Variants in CARMIL2 observed in about 807,000 individuals in gnomAD.
CARMIL2 encodes capping protein regulator and myosin 1 linker 2, also known as capping protein, Arp2/3 and myosin-I linker protein 2.
Under a neutral mutation model 173.3 loss-of-function variants are expected in CARMIL2, and 96 were observed. The ratio of observed to expected loss-of-function variants is 0.55; its 90% confidence interval spans 0.47 to 0.66. The LOEUF (loss-of-function observed/expected upper bound fraction) is 0.66, where lower values mean the gene tolerates loss of function less well. Ranked by LOEUF, CARMIL2 falls within the 30% of genes least tolerant of loss-of-function variation. CARMIL2 has a pLI of 0.00. For missense variants in CARMIL2, 1,771 were observed against 1,906.7 expected, an observed-to-expected ratio of 0.93 and a Z score of 1.33; for synonymous variants, 830 against 817.1, an observed-to-expected ratio of 1.02 and a Z score of -0.27.
chr16:67,651,830 C>G lies in CARMIL2; in HGVS notation c.2573C>G (p.Ala858Gly). ...CTCCCAGAGCAGCTGCTGCAAGATG[C>G]CTTCACTAGGCTCAGGTAGGCTGGA... ...ELLPEQLLQD[A>G]FTRLRDMRLS... Residue 858 changes from alanine to glycine, a missense_variant, in exon 25 of 38, where the codon GCC becomes GGC. This residue lies in a region of CARMIL2 where 817 missense variants were observed against 903.5 expected (regional missense o/e 0.90). Coordinates refer to ENST00000334583, the MANE Select transcript of CARMIL2 (RefSeq NM_001013838.3). This position sits in a 1 kb window ranked among gnomAD's most constrained non-coding sequence, Gnocchi z 4.2. 1 of 1,612,260 alleles carries G rather than the reference C, an allele frequency of 6.2e-7. No homozygotes were observed. The highest frequency in any genetic ancestry group is 1.3e-5 in the African/African-American group (1 of 75,036).
chr16:67,653,101 C>A lies in CARMIL2; in HGVS notation c.2967C>A (p.Arg989=), dbSNP rs1206484203. The stretch of plus-strand genomic sequence containing the variant: ...AGCCGCAGGCGGGGCCGTCCGCGCG[C>A]GGCTCTCCGAGCCCTGCCGCCCCTG... ...DAEPQAGPSA[R]GSPSPAAPGP... The change falls in exon 29 of 38, where the codon CGC becomes CGA. Residue 989 remains arginine (R), a synonymous_variant. Coordinates refer to ENST00000334583, the MANE Select transcript of CARMIL2 (RefSeq NM_001013838.3). This position sits in a 1 kb window ranked among gnomAD's most constrained non-coding sequence, Gnocchi z 7.4. 9.3e-6 allele frequency: 11 copies of A among 1,179,196 alleles called. No homozygotes were observed. The South Asian group carries it at 2.3e-4, about 24-fold the overall frequency. 73.0% of individuals were successfully genotyped at this position (1,179,196 alleles called of 1,614,324 possible). A position where few individuals can be genotyped will look rare whatever the true frequency, so the allele number is the denominator to read the frequency against.
rs757554009 is a variant in CARMIL2 at position 67,651,355 on chromosome 16, T to C, written c.2313+40T>C. ...TCCTGCTACAAGGACCCTTCCCCTC[T>C]TAGTCAGGTGTCAGCTCGCAACTGC... On this transcript the variant is annotated intron_variant, in intron 23 of 37. Transcript: ENST00000334583. The surrounding 1 kb of genome is among the most constrained non-coding windows in gnomAD (Gnocchi z 4.2). 15 of 1,607,562 alleles carry C rather than the reference T, an allele frequency of 9.3e-6. No individual in the cohort carries two copies. The East Asian group carries it at 1.1e-4, about 12-fold the overall frequency.
rs2052634701 is a variant in CARMIL2 at position 67,648,116 on chromosome 16, C to T, written c.1136C>T (p.Thr379Ile). The change falls in exon 14 of 38, where the codon ACT becomes ATT. Residue 379 changes from threonine (T) to isoleucine (I), a missense_variant. Coordinates refer to ENST00000334583, the MANE Select transcript of CARMIL2 (RefSeq NM_001013838.3). The surrounding 1 kb of genome is among the most constrained non-coding windows in gnomAD (Gnocchi z 6.1). ...LSFLNLAGTDTALDTVRGCSV... is the reference protein window; with the variant it reads ...LSFLNLAGTDIALDTVRGCSV... The stretch of plus-strand genomic sequence containing the variant: ...TTCCTGAATCTCGCAGGCACCGACA[C>T]TGCCCTGGACACTGTGAGGGGGTGC... The T allele has an allele frequency of 6.2e-7, 1 of 1,612,910 alleles. No individual in the cohort carries two copies. Among genetic ancestry groups the T allele is most frequent in the Non-Finnish European group, 8.5e-7 (1 of 1,179,606 alleles).
intron 1 of CARMIL2, 36 bp from the exon 2 acceptor site, chr16:67,645,504 A>G (rs1376121656): frequency 1.3e-6 from 2 of 1,535,518 alleles, no homozygotes; most frequent in Non-Finnish European, 1.8e-6. Flanking sequence ...CTTCTGTGCA[A>G]GGACTGAAGT....
chr16:67,652,217 C>G lies in CARMIL2; in HGVS notation c.2695C>G (p.Gln899Glu), dbSNP rs1361517353. 6.2e-7 allele frequency: 1 copy of G among 1,612,700 alleles called. No individual in the cohort carries two copies. Among genetic ancestry groups the G allele is most frequent in the Non-Finnish European group, 8.5e-7 (1 of 1,179,808 alleles). The change falls in exon 27 of 38, where the codon CAG becomes GAG. Residue 899 changes from glutamine to glutamate, a missense_variant. Transcript: ENST00000334583. The surrounding 1 kb of genome is among the most constrained non-coding windows in gnomAD (Gnocchi z 4.7). ...RDQLVESLAQ[Q>E]ATVTMPPALP... ...ATTGCAGGTGGAGAGTCTGGCTCAG[C>G]AGGCAACAGTGACAATGCCCCCTGC...
In CARMIL2 at chr16:67,646,149, T is replaced by A. The variant is rs763938386; in HGVS notation, c.250-37T>A. 4.5e-5 allele frequency: 72 copies of A among 1,613,566 alleles called. No individual in the cohort carries two copies. In the Middle Eastern group the frequency reaches 4.9e-4, roughly 11 times the overall value. On this transcript the variant is annotated intron_variant, in intron 4 of 37. Coordinates refer to ENST00000334583, the MANE Select transcript of CARMIL2 (RefSeq NM_001013838.3). This position sits in a 1 kb window ranked among gnomAD's most constrained non-coding sequence, Gnocchi z 4.6. ...ATGCTACCACCATCACCTGCGCCCATGTGTGGAGCCGAGGCCTAGTAGTGC... is the reference window on the plus strand; with the variant it reads ...ATGCTACCACCATCACCTGCGCCCAAGTGTGGAGCCGAGGCCTAGTAGTGC...
intron 29 of CARMIL2, 58 bp from the exon 30 acceptor site, chr16:67,654,091 G>GA: frequency 1.8e-6 from 2 of 1,093,974 alleles, no homozygotes; most frequent in Non-Finnish European, 1.3e-6. Context: ...GGGGGGGGGG[G>GA]GGGGTAGAAG....
At position 67,654,129 on chromosome 16, in the gene CARMIL2, G is replaced by T; in HGVS notation, c.3121-20G>T. 1 of 1,386,268 alleles carries T rather than the reference G, an allele frequency of 7.2e-7. No homozygotes were observed. The highest frequency in any genetic ancestry group is 1.2e-5 in the South Asian group (1 of 80,220). The allele number at this position is 1,386,268 out of a possible 1,614,324, so 85.9% of individuals were successfully genotyped here. Reference sequence around the variant, plus strand: ...AGAGTTGCACTCAACCCTGACCCCTGACCCCATGATGCCCCCCAGGTACCC... The same window carrying T: ...AGAGTTGCACTCAACCCTGACCCCTTACCCCATGATGCCCCCCAGGTACCC... On this transcript the variant is annotated intron_variant, in intron 29 of 37. Coordinates refer to ENST00000334583, the MANE Select transcript of CARMIL2 (RefSeq NM_001013838.3).
chr16:67,654,281 A>C, intron 30 of CARMIL2, 32 bp downstream of exon 30: 1 of 1,083,542 alleles, frequency 9.2e-7, no homozygotes, highest in Non-Finnish European at 1.4e-6. Flanking sequence ...GGGGTGGGAG[A>C]GGGTGGGATG....
At position 67,648,094 on chromosome 16, in the gene CARMIL2, C is replaced by A; in HGVS notation, c.1114C>A (p.Leu372Met). 6.2e-7 allele frequency: 1 copy of A among 1,612,970 alleles called. No homozygotes were observed. The highest frequency in any genetic ancestry group is 8.5e-7 in the Non-Finnish European group (1 of 1,179,562). ...FLSRPNVLSF[L>M]NLAGTDTALD... ...GAGCCGTCCTAACGTACTGTCGTTC[C>A]TGAATCTCGCAGGCACCGACACTGC... Residue 372 changes from leucine to methionine, a missense_variant, in exon 14 of 38, where the codon CTG becomes ATG. Leu to Met is a conservative substitution (Grantham distance 15). Transcript: ENST00000334583. The surrounding 1 kb of genome is among the most constrained non-coding windows in gnomAD (Gnocchi z 6.1).
rs532510654 is a variant in CARMIL2, at chr16:67,652,185, G to C, written c.2677-14G>C. On this transcript the variant is annotated splice_polypyrimidine_tract_variant and intron_variant, in intron 26 of 37. Coordinates refer to ENST00000334583, the MANE Select transcript of CARMIL2 (RefSeq NM_001013838.3). The surrounding 1 kb of genome is among the most constrained non-coding windows in gnomAD (Gnocchi z 4.7). ...GAGGCCCTACCTGCCATCTTTGGCT[G>C]CTTGGTATTGCAGGTGGAGAGTCTG... is the stretch of plus-strand genomic sequence containing the variant. 15 of 1,610,298 alleles carry C rather than the reference G, an allele frequency of 9.3e-6. No individual in the cohort carries two copies. In the South Asian group the frequency reaches 1.6e-4, roughly 18 times the overall value.
Position 67,650,043 on chromosome 16 carries a change from C to G in CARMIL2, c.2083-6C>G. ...CTCGGCATTTCTCAATACCCCTTGCCCCTAGATCCAAGCCTGTCTCTTGAG... is the reference window on the plus strand; with the variant it reads ...CTCGGCATTTCTCAATACCCCTTGCGCCTAGATCCAAGCCTGTCTCTTGAG... On this transcript the variant is annotated splice_region_variant and splice_polypyrimidine_tract_variant and intron_variant, in intron 21 of 37. Coordinates refer to ENST00000334583, the MANE Select transcript of CARMIL2 (RefSeq NM_001013838.3). 4 of 1,613,778 alleles carry G rather than the reference C, an allele frequency of 2.5e-6. No homozygotes were observed. Among genetic ancestry groups the G allele is most frequent in the South Asian group, 2.2e-5 (2 of 91,056 alleles).
chr16:67,648,653 C>T lies in CARMIL2; in HGVS notation c.1440-32C>T, dbSNP rs1209266541. 6.3e-7 allele frequency: 1 copy of T among 1,584,894 alleles called. No individual in the cohort carries two copies. Among genetic ancestry groups the T allele is most frequent in the Admixed American group, 1.8e-5 (1 of 55,898 alleles). On this transcript the variant is annotated intron_variant, in intron 15 of 37. Coordinates refer to ENST00000334583, the MANE Select transcript of CARMIL2 (RefSeq NM_001013838.3). The surrounding 1 kb of genome is among the most constrained non-coding windows in gnomAD (Gnocchi z 6.1). ...CGCACCCTGGAGCCCCCTGTCCCAG[C>T]TCCCGCCACCCCGTGTAACGTCCTC...
chr16:67,649,313 TGA>T lies in CARMIL2; in HGVS notation c.1746+4_1746+5del. The T allele has an allele frequency of 1.2e-6, 2 of 1,611,934 alleles. No individual in the cohort carries two copies. The highest frequency in any genetic ancestry group is 1.7e-6 in the Non-Finnish European group (2 of 1,179,636). On this transcript the variant is annotated splice_donor_region_variant and intron_variant, in intron 19 of 37. Transcript: ENST00000334583. The surrounding 1 kb of genome is among the most constrained non-coding windows in gnomAD (Gnocchi z 6.7). Reference sequence around the variant, plus strand: ...CAGCTCATGCAGGACGACGATTGTGTGAGTTCACGGGACCTTGCAGGGCCTCG... The same window carrying T: ...CAGCTCATGCAGGACGACGATTGTGTGTTCACGGGACCTTGCAGGGCCTCG...
At chr16:67,647,093 C>T in intron 8 of CARMIL2, 23 bp from the exon 9 acceptor site, 1 of 1,613,322 alleles carries the variant, frequency 6.2e-7, no homozygotes, top group Non-Finnish European at 8.5e-7. Flanking sequence ...TGAGCTCTGC[C>T]TCTGTTCCCA....
At chr16:67,645,436 C>G (rs991352542) in intron 1 of CARMIL2, 104 bp from the exon 2 acceptor site, 29 of 1,370,128 alleles carry the variant, frequency 2.1e-5, no homozygotes, top group Non-Finnish European at 2.7e-5. Flanking sequence ...CCTCCTTCCT[C>G]GCTGGCCGCA....
Position 67,651,039 on chromosome 16 carries a change from C to T in CARMIL2, c.2185-148C>T, listed in dbSNP as rs2052712341. On this transcript the variant is annotated intron_variant, in intron 22 of 37. Transcript: ENST00000334583. This position sits in a 1 kb window ranked among gnomAD's most constrained non-coding sequence, Gnocchi z 4.2. Reference sequence around the variant, plus strand: ...AACCAAAGCAACAGATAGTTCCTTCCCTCCTTGAACAGATAGGGTTCCAAA... The same window carrying T: ...AACCAAAGCAACAGATAGTTCCTTCTCTCCTTGAACAGATAGGGTTCCAAA... The T allele has an allele frequency of 3.7e-6, 3 of 817,774 alleles. No individual in the cohort carries two copies. The highest frequency in any genetic ancestry group is 5.6e-6 in the Non-Finnish European group (3 of 532,446). 50.7% of individuals were successfully genotyped at this position (817,774 alleles called of 1,614,324 possible).
At position 67,656,873 on chromosome 16, in the gene CARMIL2, C is replaced by A. The variant is rs1279112110; in HGVS notation, c.4109C>A (p.Ala1370Asp). ...TCTGTGCATGAGGACCAGCTCCAGG[C>A]CCCTGCTGGTGAGGGGAGACACCTC... ...AVSVHEDQLQ[A>D]PAERPLRLQR... The change falls in exon 36 of 38, where the codon GCC becomes GAC. Residue 1370 changes from alanine (A) to aspartate (D), a missense_variant. This residue lies in a region of CARMIL2 where 817 missense variants were observed against 903.5 expected (regional missense o/e 0.90). Coordinates refer to ENST00000334583, the MANE Select transcript of CARMIL2 (RefSeq NM_001013838.3). 1 of 1,547,482 alleles carries A rather than the reference C, an allele frequency of 6.5e-7. No individual in the cohort carries two copies. The highest frequency in any genetic ancestry group is 2.0e-5 in the Admixed American group (1 of 50,586).
Position 67,647,958 on chromosome 16 carries a change from G to C in CARMIL2, c.1071G>C (p.Gly357=). The C allele has an allele frequency of 6.2e-7, 1 of 1,606,846 alleles. No homozygotes were observed. Among genetic ancestry groups the C allele is most frequent in the African/African-American group, 1.3e-5 (1 of 74,984 alleles). ...CGCTGGGGGCCTCCGAGGACAGTGGGGTGAGTGGCTGTCTTCAGGGTGGGA... is the reference window on the plus strand; with the variant it reads ...CGCTGGGGGCCTCCGAGGACAGTGGCGTGAGTGGCTGTCTTCAGGGTGGGA... The part of the protein sequence containing the change: ...PGALGASEDS[G]GLYSFLSRPN... Residue 357 remains glycine (G), a splice_region_variant and synonymous_variant, in exon 13 of 38, where the codon GGG becomes GGC. Transcript: ENST00000334583.
Sources: gnomAD v4.1 joint callset for allele counts on GRCh38, gnomAD v4.1.1 for gene constraint, gnomAD v4.1.1 regional missense constraint, Gnocchi (gnomAD v3.1) non-coding constraint, MANE v1.5 for transcripts, NCBI Gene and HGNC (gene_info 2026-07-23, HGNC 2026-07-21) for gene names.